Variants in SELENON observed in about 807,000 individuals in gnomAD.
SELENON encodes selenoprotein N, 1.
SELENON carries 44 observed loss-of-function variants against 59.5 expected under a neutral mutation model. That is an observed-to-expected ratio of 0.74 (90% CI 0.58 to 0.95). SELENON has a LOEUF of 0.95. SELENON is among the 40% of genes least tolerant of loss of function. The pLI, the probability that SELENON is intolerant of heterozygous loss-of-function variation, is 0.00. For synonymous variants in SELENON, 320 were observed against 305.6 expected (o/e 1.05, Z -0.49); for missense variants, 674 against 721.4 (o/e 0.93, Z 0.75).
chr1:25,810,615 G>A (rs1234663052), intron 7 of SELENON, among the ~76,000 whole-genome samples: 5 of 152,232 alleles, frequency 3.3e-5, no homozygotes, highest in African/African-American at 1.2e-4. Flanking sequence ...CCGGATGGGA[G>A]ACTGACTCCT....
chr1:25,801,290 G>A, intron 2 of SELENON, 130 bp downstream of exon 2: 2 of 757,164 alleles, frequency 2.6e-6, no homozygotes, highest in Non-Finnish European at 2.4e-6. Flanking sequence ...TCCCAGCTCT[G>A]ACACTTTGTA....
At chr1:25,805,090 G>A (rs370742831) in intron 3 of SELENON, 52 bp from the exon 3 acceptor site, 6 of 1,609,986 alleles carry the variant, frequency 3.7e-6, no homozygotes, top group Middle Eastern at 2.1e-4. Flanking sequence ...ATGAGGGAGA[G>A]GTGAGCCCTG....
chr1:25,815,595 G>A lies in SELENON; in HGVS notation c.1650G>A (p.Lys550=), dbSNP rs1486569403. ...ACTTCTTGGACATCACCTCCGTGAA[G>A]CCCGAGGAAATCGAGAGCAATCTCT... The change falls in exon 13 of 13, where the codon AAG becomes AAA. Residue 550 remains lysine (K), a synonymous_variant. Transcript: ENST00000361547. 1 of 1,614,196 alleles carries A rather than the reference G, an allele frequency of 6.2e-7. No individual in the cohort carries two copies. Among genetic ancestry groups the A allele is most frequent in the South Asian group, 1.1e-5 (1 of 91,086 alleles).
rs552203339 is a variant in SELENON at position 25,804,847 on chromosome 1, G to A, written c.404-295G>A. ...TTGGTCATGGGTTTCGAGTAAACAG[G>A]CCTGGGTTTCAATCCCGATTCCCCC... On this transcript the variant is annotated intron_variant, in intron 3 of 12. Transcript: ENST00000361547. Among the ~76,000 whole-genome samples the A allele has an allele frequency of 2.0e-5, 3 of 152,202 alleles. No individual in the cohort carries two copies. In the East Asian group the frequency reaches 5.8e-4, roughly 29 times the overall value.
chr1:25,806,822 T>TC (rs2047911066), intron 4 of SELENON, among the ~76,000 whole-genome samples: 1 of 145,918 alleles, frequency 6.9e-6, no homozygotes, highest in Admixed American at 6.8e-5. Context: ...CCCCTTTCTT[T>TC]TTTTTTTTTT....
intron 4 of SELENON, among the ~76,000 whole-genome samples, chr1:25,806,088 C>T (rs559132754): frequency 1.3e-3 from 204 of 152,342 alleles, no homozygotes; most frequent in Middle Eastern, 3.4e-3. Context: ...CCACACAGCC[C>T]GACCCAGCCT....
At chr1:25,801,392 C>T (rs1253403755) in intron 2 of SELENON, among the ~76,000 whole-genome samples, 1 of 152,168 alleles carries the variant, frequency 6.6e-6, no homozygotes, top group Non-Finnish European at 1.5e-5. Context: ...CTTTGGTCTG[C>T]GAGGTAGCTC....
intron 4 of SELENON, 110 bp from the exon 4 acceptor site, chr1:25,808,470 C>T (rs2047927854): frequency 3.1e-6 from 4 of 1,288,302 alleles, no homozygotes; most frequent in Non-Finnish European, 4.5e-6. Flanking sequence ...TCCATCTGCT[C>T]CCTTGGTGTG....
At position 25,809,133 on chromosome 1, in the gene SELENON, C is replaced by T; in HGVS notation, c.855C>T (p.Tyr285=). 1 of 1,613,804 alleles carries T rather than the reference C, an allele frequency of 6.2e-7. No homozygotes were observed. The highest frequency in any genetic ancestry group is 8.5e-7 in the Non-Finnish European group (1 of 1,180,030). ...GCCTGACTGCCATCAGCGACTTCTA[C>T]TACACTGTGATGTTCCGGTGAGTGG... Residue 285 remains tyrosine (Y), a synonymous_variant, in exon 6 of 13, where the codon TAC becomes TAT. Coordinates refer to ENST00000361547, the MANE Select transcript of SELENON (RefSeq NM_020451.3).
rs2124448034 is a variant in SELENON, at chr1:25,809,095, G to A, written c.817G>A (p.Gly273Arg). 1.2e-6 allele frequency: 2 copies of A among 1,613,828 alleles called. No individual in the cohort carries two copies. Among genetic ancestry groups the A allele is most frequent in the Middle Eastern group, 1.6e-4 (1 of 6,062 alleles). Residue 273 changes from glycine to arginine, a missense_variant, in exon 6 of 13, where the codon GGA (glycine) becomes AGA (arginine). Gly to Arg is a moderately radical substitution (Grantham distance 125). Transcript: ENST00000361547. ...TGTGAAGACCCGCTTTGCCCCTCAG[G>A]GAGCTGTGGCCTGCCTGACTGCCAT...
rs747665368 is a variant in SELENON at position 25,801,075 on chromosome 1, C to G, written c.216C>G (p.Gly72=). The change falls in exon 2 of 13, where the codon GGC becomes GGG. Residue 72 remains glycine, a synonymous_variant. Coordinates refer to ENST00000361547, the MANE Select transcript of SELENON (RefSeq NM_020451.3). ...CGCTGAAGACCCTGGGGACAGATGG[C>G]CTTTTTCTCTTTTCCTCCTTGGACA... 3.1e-6 allele frequency: 5 copies of G among 1,614,156 alleles called. No individual in the cohort carries two copies. In the Admixed American group the frequency reaches 8.3e-5, roughly 27 times the overall value.
intron 4 of SELENON, 113 bp from the exon 4 acceptor site, chr1:25,808,449 CCTCCCTGGGGTCCATCTG>C: frequency 9.8e-7 from 1 of 1,018,726 alleles, no homozygotes; most frequent in South Asian, 1.4e-5. Context: ...AGGGCAGGAA[CCTCCCTGGGGTCCATCTG>C]CTCCCTTGGT....
At chr1:25,810,462 C>T (rs1055959234) in intron 7 of SELENON, among the ~76,000 whole-genome samples, 7 of 152,348 alleles carry the variant, frequency 4.6e-5, no homozygotes, top group Non-Finnish European at 7.3e-5. Context: ...AAGTGGCCAC[C>T]GAGTGGGCCT....
At chr1:25,813,686 C>A in intron 10 of SELENON, 195 bp from the exon 10 acceptor site, 1 of 647,662 alleles carries the variant, frequency 1.5e-6, no homozygotes. Flanking sequence ...ACCCTAATCT[C>A]AGCCCAGGAT....
Position 25,802,033 on chromosome 1 carries a change from C to A in SELENON, c.319C>A (p.Gln107Lys). The A allele has an allele frequency of 3.9e-6, 1 of 256,866 alleles. No homozygotes were observed. Among genetic ancestry groups the A allele is most frequent in the Non-Finnish European group, 8.1e-6 (1 of 123,812 alleles). The allele number at this position is 256,866 out of a possible 1,614,324, so 15.9% of individuals were successfully genotyped here. Residue 107 changes from glutamine (Q) to lysine (K), a missense_variant, in exon 3 of 13, where the codon CAG (glutamine) becomes AAG (lysine). Gln to Lys is a moderately conservative substitution (Grantham distance 53). Coordinates refer to ENST00000361547, the MANE Select transcript of SELENON (RefSeq NM_020451.3). ...TGAGACAGGGTCTTGTTCTGTCACC[C>A]AGACTGGAGTGCAGTGGTGCAGTCA...
intron 3 of SELENON, among the ~76,000 whole-genome samples, chr1:25,802,491 G>C (rs1257688851): frequency 6.6e-6 from 1 of 152,098 alleles, no homozygotes; most frequent in African/African-American, 2.4e-5. Context: ...CCAGGAGCTG[G>C]GATTACAGGC....
chr1:25,812,868 A>G, intron 10 of SELENON, 76 bp downstream of exon 9: 1 of 1,115,428 alleles, frequency 9.0e-7, no homozygotes, highest in Non-Finnish European at 1.3e-6. Flanking sequence ...CTCTGAGACC[A>G]ATGGGACTCT....
At chr1:25,809,520 C>T (rs1357283771) in intron 6 of SELENON, among the ~76,000 whole-genome samples, 163 bp from the exon 6 acceptor site, 1 of 152,176 alleles carries the variant, frequency 6.6e-6, no homozygotes, top group African/African-American at 2.4e-5. Flanking sequence ...TGACCCGGGC[C>T]TCGAAGGATG....
At chr1:25,813,465 C>T (rs2047983981) in intron 10 of SELENON, 1 of 356,344 alleles carries the variant, frequency 2.8e-6, no homozygotes, top group Non-Finnish European at 5.6e-6. Flanking sequence ...AGAGTGGCAC[C>T]AGAGTGTATA....
Sources: allele counts gnomAD v4.1 joint callset (sites outside exome capture counted in the v4.1 genomes callset), GRCh38; gene constraint gnomAD v4.1.1; transcripts MANE v1.5; gene names NCBI Gene and HGNC (gene_info 2026-07-23, HGNC 2026-07-21).